The following TNFRSF1B variants were observed in gnomAD, a reference collection of about 807,000 sequenced individuals.
TNFRSF1B encodes the protein TNF receptor superfamily member 1B, also known as tumor necrosis factor receptor superfamily member 1B.
In TNFRSF1B, 19 loss-of-function variants were observed where a neutral mutation model predicts 44.6. That is an observed-to-expected ratio of 0.43 (90% CI 0.30 to 0.62). TNFRSF1B has a LOEUF of 0.62. TNFRSF1B is among the 20% of genes least tolerant of loss of function. The pLI is 0.16. For synonymous variants in TNFRSF1B, 252 were observed against 261.1 expected, an observed-to-expected ratio of 0.97 and a Z score of 0.34; for missense variants, 541 against 619.9, an observed-to-expected ratio of 0.87 and a Z score of 1.35.
chr1:12,181,818 C>T (rs1638815098), intron 1 of TNFRSF1B, among the ~76,000 whole-genome samples: 1 of 152,214 alleles, frequency 6.6e-6, no homozygotes, highest in Admixed American at 6.5e-5. Flanking sequence ...ATCCCAGCCC[C>T]CACCTCCCAG....
chr1:12,200,774 C>T (rs1384847143), intron 8 of TNFRSF1B, among the ~76,000 whole-genome samples: 1 of 152,112 alleles, frequency 6.6e-6, no homozygotes, highest in African/African-American at 2.4e-5. Context: ...AGGCATGAGC[C>T]ACCACGCCAG....
At position 12,193,023 on chromosome 1, in the gene TNFRSF1B, A is replaced by G. The variant is rs1224180060; in HGVS notation, c.712A>G (p.Ser238Gly). 6.2e-7 allele frequency: 1 copy of G among 1,614,098 alleles called. No individual in the cohort carries two copies. The highest frequency in any genetic ancestry group is 8.5e-7 in the Non-Finnish European group (1 of 1,180,054). The part of the protein sequence containing the change: ...QPTPEPSTAP[S>G]TSFLLPMGPS... ...AACTCCAGAACCCAGCACTGCTCCA[A>G]GCACCTCCTTCCTGCTCCCAATGGG... The change falls in exon 6 of 10, where the codon AGC becomes GGC. Residue 238 changes from serine to glycine, a missense_variant. Ser to Gly is a moderately conservative substitution (Grantham distance 56). Coordinates refer to ENST00000376259, the MANE Select transcript of TNFRSF1B (RefSeq NM_001066.3).
chr1:12,167,132 T>A lies in TNFRSF1B; in HGVS notation c.41T>A (p.Leu14Gln). The change falls in exon 1 of 10, where the codon CTG (leucine) becomes CAG (glutamine). Residue 14 changes from leucine (L) to glutamine (Q), a missense_variant. By Grantham distance (113) the Leu-to-Gln change is moderately radical. Coordinates refer to ENST00000376259, the MANE Select transcript of TNFRSF1B (RefSeq NM_001066.3). The stretch of plus-strand genomic sequence containing the variant: ...GTCTGGGCCGCGCTGGCCGTCGGAC[T>A]GGAGCTCTGGGCTGCGGCGCACGCC... ...VAVWAALAVG[L>Q]ELWAAAHALP... 7.4e-7 allele frequency: 1 copy of A among 1,356,570 alleles called. No individual in the cohort carries two copies. The highest frequency in any genetic ancestry group is 9.5e-7 in the Non-Finnish European group (1 of 1,049,834). The allele number at this position is 1,356,570 out of a possible 1,614,324, so 84.0% of individuals were successfully genotyped here.
At chr1:12,181,927 A>G (rs1264621347) in intron 1 of TNFRSF1B, among the ~76,000 whole-genome samples, 3 of 152,190 alleles carry the variant, frequency 2.0e-5, no homozygotes, top group Admixed American at 2.0e-4. Flanking sequence ...CATCCTTAAG[A>G]ACCCAGGGCT....
rs1236513862 is a variant in TNFRSF1B, at chr1:12,199,556, G to A, written c.901-2411G>A. Reference sequence around the variant, plus strand: ...GAGGCTGTGGCCTTGGGGAATTAAGGGTGCAGGTGGCGCTCAGGTGTCCGA... The same window carrying A: ...GAGGCTGTGGCCTTGGGGAATTAAGAGTGCAGGTGGCGCTCAGGTGTCCGA... On this transcript the variant is annotated intron_variant, in intron 8 of 9. Coordinates refer to ENST00000376259, the MANE Select transcript of TNFRSF1B (RefSeq NM_001066.3). The surrounding 1 kb of genome is among the most constrained non-coding windows in gnomAD (Gnocchi z 4.0). Among the ~76,000 whole-genome samples the A allele has an allele frequency of 6.6e-6, 1 of 152,232 alleles. No individual in the cohort carries two copies. The highest frequency in any genetic ancestry group is 1.5e-5 in the Non-Finnish European group (1 of 68,040).
In TNFRSF1B at chr1:12,173,205, C is replaced by T. The variant is rs112865510; in HGVS notation, c.78+6036C>T. ...AAGCATCCCTATCTATGAAACCTAA[C>T]AACCCTGGTTCCAATGCTTTCCTAG... On this transcript the variant is annotated intron_variant, in intron 1 of 9. Transcript: ENST00000376259. Among the ~76,000 whole-genome samples, 804 of 152,274 alleles carry T rather than the reference C, an allele frequency of 5.3e-3. 9 individuals are homozygous for T. Among genetic ancestry groups the T allele is most frequent in the African/African-American group, 0.018 (762 of 41,546 alleles).
At chr1:12,195,303 A>C (rs590977) in intron 8 of TNFRSF1B, among the ~76,000 whole-genome samples, 22,352 of 152,296 alleles carry the variant, frequency 0.15, 1,798 homozygotes, top group South Asian at 0.21. Context: ...CCAAACCTAC[A>C]GGTGACTTTA....
chr1:12,175,054 G>A (rs537557446), intron 1 of TNFRSF1B, among the ~76,000 whole-genome samples: 1 of 152,228 alleles, frequency 6.6e-6, no homozygotes, highest in Admixed American at 6.5e-5. Flanking sequence ...GAATCAGTGC[G>A]CCTGAGTGGG....
At chr1:12,181,242 G>A (rs1638797540) in intron 1 of TNFRSF1B, among the ~76,000 whole-genome samples, 1 of 152,160 alleles carries the variant, frequency 6.6e-6, no homozygotes, top group African/African-American at 2.4e-5. Context: ...GCTGCCCTGG[G>A]GTGTGTTCTC....
intron 1 of TNFRSF1B, 139 bp from the exon 2 acceptor site, chr1:12,188,657 G>A (rs1477644657): frequency 1.3e-6 from 1 of 748,732 alleles, no homozygotes; most frequent in Admixed American, 2.6e-5. Flanking sequence ...CTGCTCCAGG[G>A]GGAGAAACCT....
Position 12,199,395 on chromosome 1 carries a change from G to A in TNFRSF1B, c.901-2572G>A, listed in dbSNP as rs1448948823. 6.6e-6 allele frequency among the ~76,000 whole-genome samples: 1 copy of A among 152,238 alleles called. No homozygotes were observed. The highest frequency in any genetic ancestry group is 1.9e-4 in the East Asian group (1 of 5,198). ...GACCCAGCCCAGGGAGGGTGTGGGG[G>A]TTCCTGGGGAAGCTGGTCTAGGCTT... On this transcript the variant is annotated intron_variant, in intron 8 of 9. Coordinates refer to ENST00000376259, the MANE Select transcript of TNFRSF1B (RefSeq NM_001066.3). This position sits in a 1 kb window ranked among gnomAD's most constrained non-coding sequence, Gnocchi z 4.0.
chr1:12,183,583 GCTAT>G (rs1638859800), intron 1 of TNFRSF1B, among the ~76,000 whole-genome samples: 1 of 145,370 alleles, frequency 6.9e-6, no homozygotes, highest in Admixed American at 6.8e-5. Context: ...CATCTATCTA[GCTAT>G]CTTTCTATTT....
chr1:12,167,459 G>A, intron 1 of TNFRSF1B: 1 of 431,274 alleles, frequency 2.3e-6, no homozygotes, highest in Non-Finnish European at 4.2e-6. Flanking sequence ...CGCAGGCCGG[G>A]GCATTTGGGG....
At chr1:12,196,884 C>G (rs17883122) in intron 8 of TNFRSF1B, among the ~76,000 whole-genome samples, 6,583 of 152,232 alleles carry the variant, frequency 0.043, 183 homozygotes, top group Middle Eastern at 0.061. Flanking sequence ...TTTCCCAATC[C>G]TCTGTGCACT....
chr1:12,175,113 G>A (rs1046488428), intron 1 of TNFRSF1B, among the ~76,000 whole-genome samples: 2 of 152,290 alleles, frequency 1.3e-5, no homozygotes, highest in South Asian at 2.1e-4. Flanking sequence ...TGGACAGGGA[G>A]GGGGGAGGAC....
intron 8 of TNFRSF1B, among the ~76,000 whole-genome samples, chr1:12,200,120 T>C (rs1358207984): frequency 6.6e-6 from 1 of 152,110 alleles, no homozygotes; most frequent in Non-Finnish European, 1.5e-5. Context: ...ACCGTGACCT[T>C]GGGCAAGTAA....
chr1:12,190,129 A>G (rs4846099), intron 2 of TNFRSF1B, among the ~76,000 whole-genome samples: 1 of 152,114 alleles, frequency 6.6e-6, no homozygotes, highest in African/African-American at 2.4e-5. Context: ...AGTACCTGTC[A>G]CCGTCCCTAG....
chr1:12,203,489 C>T (rs1449697693), intron 9 of TNFRSF1B, among the ~76,000 whole-genome samples: 3 of 152,162 alleles, frequency 2.0e-5, no homozygotes, highest in Non-Finnish European at 1.5e-5. Flanking sequence ...TCCTACCTGC[C>T]CCCAACTGCC....
rs558184198 is a variant in TNFRSF1B, at chr1:12,194,817, C to T, written c.900+199C>T. Among the ~76,000 whole-genome samples, 32 of 152,314 alleles carry T rather than the reference C, an allele frequency of 2.1e-4. No individual in the cohort carries two copies. In the South Asian group the frequency reaches 5.2e-3, roughly 25 times the overall value. On this transcript the variant is annotated intron_variant, in intron 8 of 9. Coordinates refer to ENST00000376259, the MANE Select transcript of TNFRSF1B (RefSeq NM_001066.3). ...GAGAGGCTGTGAGTGTGAAATGCTC[C>T]GGCAGAGAGCAGATGCCTTCGTGGC...
Sources: gnomAD v4.1 joint callset for allele counts (sites outside exome capture counted in the v4.1 genomes callset) on GRCh38, gnomAD v4.1.1 for gene constraint, Gnocchi (gnomAD v3.1) non-coding constraint, MANE v1.5 for transcripts, NCBI Gene and HGNC (gene_info 2026-07-23, HGNC 2026-07-21) for gene names.